HEPACAM2: variants seen among roughly 807,000 people sequenced by gnomAD.
The protein encoded by HEPACAM2 is HEPACAM family member 2, also known as mitotic kinetics regulator.
In HEPACAM2, 49 loss-of-function variants were observed where a neutral mutation model predicts 49.6. The ratio of observed to expected loss-of-function variants is 0.99; its 90% confidence interval spans 0.78 to 1.25. The LOEUF (loss-of-function observed/expected upper bound fraction) is 1.25, where lower values mean the gene tolerates loss of function less well. Among genes scored for constraint, HEPACAM2 ranks in the 50% most tolerant of loss-of-function variants. The pLI is 0.00. For missense variants in HEPACAM2, 525 were observed against 557.2 expected, an observed-to-expected ratio of 0.94 and a Z score of 0.58; for synonymous variants, 197 against 202.9, an observed-to-expected ratio of 0.97 and a Z score of 0.25.
intron 5 of HEPACAM2, 21 bp downstream of exon 5, chr7:93,197,464 T>C (rs946267296): frequency 2.5e-6 from 4 of 1,581,262 alleles, no homozygotes; most frequent in Non-Finnish European, 3.4e-6. Context: ...CTTCAATTTT[T>C]TTTTTGTAAT....
At chr7:93,192,432 T>A in intron 8 of HEPACAM2, 69 bp from the exon 9 acceptor site, 1 of 1,175,392 alleles carries the variant, frequency 8.5e-7, no homozygotes, top group Non-Finnish European at 1.2e-6. Context: ...CTATGTTGCA[T>A]AGTTGAAAAC....
chr7:93,196,710 G>A (rs1453766601), intron 7 of HEPACAM2, among the ~76,000 whole-genome samples: 2 of 152,164 alleles, frequency 1.3e-5, no homozygotes, highest in African/African-American at 4.8e-5. Flanking sequence ...CTGTGATTTT[G>A]TGGCCTGAGC....
chr7:93,226,827 A>C (rs368692199), upstream of HEPACAM2, among the ~76,000 whole-genome samples: 5 of 152,158 alleles, frequency 3.3e-5, no homozygotes, highest in African/African-American at 1.2e-4. Flanking sequence ...TCTATCATGC[A>C]GAACTATGCC....
chr7:93,197,604 T>C lies in HEPACAM2; in HGVS notation c.1019A>G (p.Glu340Gly). ...FTVIITSVGLEKLAQKGKSLS... is the reference protein window; with the variant it reads ...FTVIITSVGLGKLAQKGKSLS... ...TGATTTTCCTTTCTGTGCAAGCTTC[T>C]CCAGTCCTAAATAAAAAGATAAACA... The change falls in exon 5 of 10, where the codon GAG becomes GGG. Residue 340 changes from glutamate to glycine, a missense_variant. Coordinates refer to ENST00000394468, the MANE Select transcript of HEPACAM2 (RefSeq NM_001039372.4). 1 of 1,576,778 alleles carries C rather than the reference T, an allele frequency of 6.3e-7. No homozygotes were observed. The highest frequency in any genetic ancestry group is 8.6e-7 in the Non-Finnish European group (1 of 1,163,766).
At chr7:93,212,076 A>G (rs1458427750) in intron 3 of HEPACAM2, among the ~76,000 whole-genome samples, 1 of 152,014 alleles carries the variant, frequency 6.6e-6, no homozygotes, top group African/African-American at 2.4e-5. Flanking sequence ...GAGTATTCTC[A>G]CAAGCAGTAA....
chr7:93,215,066 A>G (rs1447348904), intron 3 of HEPACAM2, among the ~76,000 whole-genome samples: 1 of 152,196 alleles, frequency 6.6e-6, no homozygotes, highest in Non-Finnish European at 1.5e-5. Flanking sequence ...ATATTCTTTC[A>G]GTTTTTTTCA....
chr7:93,218,125 G>A lies in HEPACAM2; in HGVS notation c.430+976C>T, dbSNP rs185794326. ...AAAAGCATGAAGGCCAGCATGGCCA[G>A]AACCGAGTGAGTGAGGGGGATGCAG... On this transcript the variant is annotated intron_variant, in intron 2 of 9. Transcript: ENST00000394468. Among the ~76,000 whole-genome samples, 3 of 152,288 alleles carry A rather than the reference G, an allele frequency of 2.0e-5. No homozygotes were observed. In the East Asian group the frequency reaches 5.8e-4, roughly 29 times the overall value.
chr7:93,189,880 T>C (rs942054858), intron 9 of HEPACAM2, among the ~76,000 whole-genome samples: 1 of 151,962 alleles, frequency 6.6e-6, no homozygotes, highest in African/African-American at 2.4e-5. Context: ...CCACCTATAA[T>C]AATGCATTAC....
Position 93,215,658 on chromosome 7 carries a change from A to T in HEPACAM2, c.458T>A (p.Ile153Asn). The change falls in exon 3 of 10, where the codon ATT becomes AAT. Residue 153 changes from isoleucine to asparagine, a missense_variant. Coordinates refer to ENST00000394468, the MANE Select transcript of HEPACAM2 (RefSeq NM_001039372.4). ...CTCCACAGCCCCAGAGGGAGGATGA[A>T]TCTGCACCACTGGCTTTGTGACAGG... ...DDPVTKPVVQ[I>N]HPPSGAVEYV... The T allele has an allele frequency of 2.5e-6, 4 of 1,613,528 alleles. No homozygotes were observed. Among genetic ancestry groups the T allele is most frequent in the Non-Finnish European group, 3.4e-6 (4 of 1,179,656 alleles).
At chr7:93,225,370 TAAA>T (rs1794520538) in intron 1 of HEPACAM2, among the ~76,000 whole-genome samples, 1 of 152,052 alleles carries the variant, frequency 6.6e-6, no homozygotes, top group Admixed American at 6.6e-5. Flanking sequence ...CTCAAAGACT[TAAA>T]AAAATTTACA....
chr7:93,210,294 A>G (rs1794146572), intron 3 of HEPACAM2, among the ~76,000 whole-genome samples: 1 of 151,956 alleles, frequency 6.6e-6, no homozygotes, highest in Non-Finnish European at 1.5e-5. Context: ...ATTTAGAGCA[A>G]CCACCATGAG....
At chr7:93,190,906 C>T (rs1000279350) in intron 9 of HEPACAM2, among the ~76,000 whole-genome samples, 1 of 151,438 alleles carries the variant, frequency 6.6e-6, no homozygotes, top group Non-Finnish European at 1.5e-5. Context: ...AAAGATAAAC[C>T]CCAAGTTGTC....
At chr7:93,216,721 G>A (rs1794315733) in intron 2 of HEPACAM2, among the ~76,000 whole-genome samples, 1 of 152,208 alleles carries the variant, frequency 6.6e-6, no homozygotes, top group Non-Finnish European at 1.5e-5. Context: ...GCATTTTGGA[G>A]AGAGGTGTAT....
At chr7:93,218,610 T>C (rs1282108907) in intron 2 of HEPACAM2, among the ~76,000 whole-genome samples, 1 of 152,004 alleles carries the variant, frequency 6.6e-6, no homozygotes, top group Non-Finnish European at 1.5e-5. Context: ...ATAAGGAAAA[T>C]AAGTGTCTGA....
chr7:93,214,883 CT>C (rs1049228446), intron 3 of HEPACAM2, among the ~76,000 whole-genome samples: 2 of 152,082 alleles, frequency 1.3e-5, no homozygotes, highest in Non-Finnish European at 2.9e-5. Flanking sequence ...TTCCCCAGGA[CT>C]TTTTCATTTA....
upstream of HEPACAM2, among the ~76,000 whole-genome samples, chr7:93,229,925 A>G (rs1794595107): frequency 6.6e-6 from 1 of 152,224 alleles, no homozygotes; most frequent in Admixed American, 6.5e-5. Flanking sequence ...GTGTTAAGGT[A>G]TGCTGAATTA....
chr7:93,227,377 GCATCAAAT>G (rs1433358870), upstream of HEPACAM2, among the ~76,000 whole-genome samples: 1 of 152,110 alleles, frequency 6.6e-6, no homozygotes, highest in African/African-American at 2.4e-5. Context: ...ATCCAAATCT[GCATCAAAT>G]CATCAAATCA....
At position 93,219,166 on chromosome 7, in the gene HEPACAM2, A is replaced by C. The variant is rs200107012; in HGVS notation, c.365T>G (p.Val122Gly). ...TCCATTTCCCTGAATGTTGACCTTC[A>C]CGATGTAATTGCCTTCATCAGGGAA... is the stretch of plus-strand genomic sequence containing the variant. ...LQFPDEGNYIVKVNIQGNGTL... is the reference protein window; with the variant it reads ...LQFPDEGNYIGKVNIQGNGTL... The change falls in exon 2 of 10, where the codon GTG becomes GGG. Residue 122 changes from valine (V) to glycine (G), a missense_variant. Transcript: ENST00000394468. 3.2e-5 allele frequency: 51 copies of C among 1,613,792 alleles called. 1 individual carries two copies. The highest frequency in any genetic ancestry group is 5.9e-6 in the Non-Finnish European group (7 of 1,179,912).
At chr7:93,230,220 G>A (rs17165187), upstream of HEPACAM2, among the ~76,000 whole-genome samples, 5,416 of 152,148 alleles carry the variant, frequency 0.036, 217 homozygotes, top group African/African-American at 0.1. Context: ...CTTTAACTTT[G>A]TGTATTTGAG....
Sources: allele counts gnomAD v4.1 joint callset (sites outside exome capture counted in the v4.1 genomes callset), GRCh38; gene constraint gnomAD v4.1.1; transcripts MANE v1.5; gene names NCBI Gene and HGNC (gene_info 2026-07-23, HGNC 2026-07-21).